Variants in CNBD1 observed in about 807,000 individuals in gnomAD.
The protein encoded by CNBD1 is cyclic nucleotide-binding domain-containing protein 1.
In CNBD1, 71 loss-of-function variants were observed where a neutral mutation model predicts 54.4. The ratio of observed to expected loss-of-function variants is 1.30; its 90% CI spans 1.08 to 1.59. The LOEUF is 1.59. Ranked by LOEUF, CNBD1 falls within the 40% of genes most tolerant of loss-of-function variation. The pLI is 0.00. For missense variants in CNBD1, 659 were observed against 518.0 expected (o/e 1.27, Z -2.64); for synonymous variants, 182 against 170.7 (o/e 1.07, Z -0.51).
intron 4 of CNBD1, among the ~76,000 whole-genome samples, chr8:87,000,112 A>C (rs1427997316): frequency 6.6e-6 from 1 of 152,066 alleles, no homozygotes; most frequent in East Asian, 1.9e-4. Flanking sequence ...CCCCATCCAA[A>C]TCTTGTCTTG....
chr8:87,369,737 T>C (rs1315979535), intron 10 of CNBD1, among the ~76,000 whole-genome samples: 2 of 151,856 alleles, frequency 1.3e-5, no homozygotes, highest in Non-Finnish European at 2.9e-5. Flanking sequence ...TTTTTTTTTA[T>C]TATTATACTT....
In CNBD1 at chr8:87,182,007, T is replaced by C. The variant is rs1198086222; in HGVS notation, c.432-23986T>C. ...GATTTTGTCACCCAGGTAGTGAGCATAGTATCTGATAGGTAGTTTTTTGAC... is the reference window on the plus strand; with the variant it reads ...GATTTTGTCACCCAGGTAGTGAGCACAGTATCTGATAGGTAGTTTTTTGAC... On this transcript the variant is annotated intron_variant, in intron 4 of 10. Coordinates refer to ENST00000518476, the MANE Select transcript of CNBD1 (RefSeq NM_173538.3). This position sits in a 1 kb window ranked among gnomAD's most constrained non-coding sequence, Gnocchi z 4.1. 6.6e-6 allele frequency among the ~76,000 whole-genome samples: 1 copy of C among 152,176 alleles called. No individual in the cohort carries two copies. The highest frequency in any genetic ancestry group is 1.5e-5 in the Non-Finnish European group (1 of 68,032).
chr8:87,390,902 T>C (rs948163439), intron 2 of CNBD1, among the ~76,000 whole-genome samples: 4 of 152,170 alleles, frequency 2.6e-5, no homozygotes, highest in African/African-American at 7.2e-5. Flanking sequence ...TATGTAATAC[T>C]ATGCAGCCAT....
intron 6 of CNBD1, among the ~76,000 whole-genome samples, chr8:87,247,911 C>T (rs1322812368): frequency 2.0e-5 from 3 of 152,128 alleles, no homozygotes; most frequent in African/African-American, 4.8e-5. Flanking sequence ...ATGGGTGACA[C>T]GGTGCATGGA....
At chr8:86,936,815 G>A (rs1021545278) in intron 3 of CNBD1, among the ~76,000 whole-genome samples, 1 of 151,732 alleles carries the variant, frequency 6.6e-6, no homozygotes, top group Admixed American at 6.6e-5. Flanking sequence ...TAGACTTACA[G>A]GAATCAGATT....
At chr8:86,967,703 A>G (rs577622070) in intron 4 of CNBD1, among the ~76,000 whole-genome samples, 3 of 152,092 alleles carry the variant, frequency 2.0e-5, no homozygotes, top group South Asian at 2.1e-4. Flanking sequence ...ACTCTTTTTA[A>G]TAAGGCCATT....
intron 4 of CNBD1, among the ~76,000 whole-genome samples, chr8:87,092,353 G>GTGTGTGTGTGTGTGTATGTA (rs1417495277): frequency 3.3e-5 from 5 of 150,976 alleles, no homozygotes; most frequent in African/African-American, 9.8e-5. Flanking sequence ...CAGTGTGTGT[G>GTGTGTGTGTGTGTGTATGTA]TGTGTGTGTG....
At chr8:86,962,251 T>G (rs924172929) in intron 4 of CNBD1, among the ~76,000 whole-genome samples, 3 of 152,090 alleles carry the variant, frequency 2.0e-5, no homozygotes, top group Non-Finnish European at 2.9e-5. Context: ...GATAAAACCT[T>G]TTTCCAGAAA....
chr8:87,109,997 A>T (rs952281470), intron 4 of CNBD1, among the ~76,000 whole-genome samples: 1 of 152,184 alleles, frequency 6.6e-6, no homozygotes, highest in Non-Finnish European at 1.5e-5. Context: ...TCTTTCAGAC[A>T]TCTGAGAAAA....
chr8:87,288,898 A>T (rs575713014), intron 8 of CNBD1, among the ~76,000 whole-genome samples: 46 of 152,248 alleles, frequency 3.0e-4, no homozygotes, highest in African/African-American at 1.1e-3. Flanking sequence ...GTTCTGAAAG[A>T]CTGTAGTTTT....
intron 5 of CNBD1, among the ~76,000 whole-genome samples, chr8:87,233,315 A>G (rs931703031): frequency 6.6e-6 from 1 of 152,090 alleles, no homozygotes; most frequent in African/African-American, 2.4e-5. Context: ...GGCACTCCTC[A>G]GAGAAATTTC....
At chr8:87,132,920 A>T (rs190397242) in intron 4 of CNBD1, among the ~76,000 whole-genome samples, 7 of 151,138 alleles carry the variant, frequency 4.6e-5, no homozygotes, top group Non-Finnish European at 7.4e-5. Flanking sequence ...CAAGTCACTC[A>T]GGTTCTATGA....
intron 8 of CNBD1, among the ~76,000 whole-genome samples, chr8:87,332,560 G>A (rs1486265482): frequency 6.6e-6 from 1 of 152,108 alleles, no homozygotes; most frequent in South Asian, 2.1e-4. Context: ...TTTTGCATAA[G>A]GTTTAAGGAA....
At chr8:86,980,374 G>A (rs1359015566) in intron 4 of CNBD1, among the ~76,000 whole-genome samples, 2 of 152,194 alleles carry the variant, frequency 1.3e-5, no homozygotes, top group African/African-American at 4.8e-5. Context: ...GGTATTTTAT[G>A]CCATATTTAC....
At chr8:87,283,875 T>G (rs1052057164) in intron 6 of CNBD1, among the ~76,000 whole-genome samples, 4 of 152,116 alleles carry the variant, frequency 2.6e-5, no homozygotes, top group African/African-American at 9.7e-5. Flanking sequence ...GTGGCTCACT[T>G]TGGCCTCAGC....
intron 6 of CNBD1, 33 bp from the exon 7 acceptor site, chr8:87,284,645 A>G: frequency 6.4e-7 from 1 of 1,571,296 alleles, no homozygotes; most frequent in Non-Finnish European, 8.6e-7. Context: ...ATGAGTGGTA[A>G]TAAACATTAA....
At position 87,382,714 on chromosome 8, in the gene CNBD1, C is replaced by G; in HGVS notation, c.*87C>G. 9.5e-7 allele frequency: 1 copy of G among 1,049,278 alleles called. No homozygotes were observed. Among genetic ancestry groups the G allele is most frequent in the Non-Finnish European group, 1.4e-6 (1 of 711,410 alleles). 65.0% of individuals were successfully genotyped at this position (1,049,278 alleles called of 1,614,324 possible). On this transcript the variant is annotated 3_prime_UTR_variant, in exon 11 of 11. Coordinates refer to ENST00000518476, the MANE Select transcript of CNBD1 (RefSeq NM_173538.3). ...GCATTCTGGAATACTATCAAACTAC[C>G]AGCAATGAATTTGGTCTATTGTGAC... is the stretch of plus-strand genomic sequence containing the variant.
At chr8:87,054,518 A>T (rs1810374682) in intron 4 of CNBD1, among the ~76,000 whole-genome samples, 1 of 152,212 alleles carries the variant, frequency 6.6e-6, no homozygotes, top group Non-Finnish European at 1.5e-5. Context: ...TACATTCTTG[A>T]TTACTAAGGC....
At chr8:87,296,977 C>T (rs1808888037) in intron 8 of CNBD1, among the ~76,000 whole-genome samples, 1 of 151,762 alleles carries the variant, frequency 6.6e-6, no homozygotes, top group South Asian at 2.1e-4. Context: ...AAATCAAGGC[C>T]ATCCTAGCTA....
Sources: allele counts gnomAD v4.1 joint callset (sites outside exome capture counted in the v4.1 genomes callset), GRCh38; gene constraint gnomAD v4.1.1; non-coding constraint Gnocchi (gnomAD v3.1); transcripts MANE v1.5; gene names NCBI Gene and HGNC (gene_info 2026-07-23, HGNC 2026-07-21).